TRIM29: variants seen among roughly 807,000 people sequenced by gnomAD.
The protein encoded by TRIM29 is tripartite motif containing 29.
TRIM29 carries 52 observed loss-of-function variants against 57.3 expected under a neutral mutation model. The observed-to-expected ratio is 0.91, with a 90% CI of 0.73 to 1.14. The LOEUF is 1.14. Ranked by LOEUF, TRIM29 falls within the 50% of genes most tolerant of loss-of-function variation. TRIM29 has a pLI of 0.00. For synonymous variants in TRIM29, 319 were observed against 316.9 expected, an observed-to-expected ratio of 1.01 and a Z score of -0.07; for missense variants, 753 against 774.6, an observed-to-expected ratio of 0.97 and a Z score of 0.33.
At chr11:120,123,902 G>A (rs867657001) in intron 4 of TRIM29, 4 of 203,330 alleles carry the variant, frequency 2.0e-5, no homozygotes, top group African/African-American at 7.0e-5. Context: ...CCAGGATGAA[G>A]TGGCCTGGTG....
At chr11:120,131,726 G>A (rs900153987) in intron 1 of TRIM29, among the ~76,000 whole-genome samples, 2 of 151,728 alleles carry the variant, frequency 1.3e-5, no homozygotes, top group African/African-American at 4.8e-5. Flanking sequence ...GGAGCATTTG[G>A]GGTGACAGCT....
rs557062786 is a variant in TRIM29 at position 120,128,391 on chromosome 11, G to T, written c.900+9C>A. ...AGGGAGCAGCAAGGTGAGCTTGGGG[G>T]CTGCTCACCTTGATGCGGTCCTTCT... On this transcript the variant is annotated intron_variant, in intron 2 of 8. Transcript: ENST00000341846. The T allele has an allele frequency of 6.2e-7, 1 of 1,609,838 alleles. No individual in the cohort carries two copies.
At chr11:120,124,685 G>C (rs529675926) in intron 4 of TRIM29, 1 of 152,194 alleles carries the variant, frequency 6.6e-6, no homozygotes, top group African/African-American at 2.4e-5. Flanking sequence ...TCTGAGTGCC[G>C]TTTGAAGCCA....
rs747525437 is a variant in TRIM29 at position 120,118,246 on chromosome 11, C to T, written c.1604G>A (p.Gly535Asp). ...NSDNDLPVVQ[G>D]SSSFSLKGYP... ...ACCTTTCAGGGAGAAGGAGGAGCTG[C>T]CTTGGACGACGGGCAGGTCATTGTC... is the stretch of plus-strand genomic sequence containing the variant. The change falls in exon 7 of 9, where the codon GGC (glycine) becomes GAC (aspartate). Residue 535 changes from glycine (G) to aspartate (D), a missense_variant. Gly to Asp is a moderately conservative substitution (Grantham distance 94). Transcript: ENST00000341846. 6 of 1,613,896 alleles carry T rather than the reference C, an allele frequency of 3.7e-6. No homozygotes were observed. The highest frequency in any genetic ancestry group is 5.1e-6 in the Non-Finnish European group (6 of 1,179,972).
chr11:120,112,489 CAA>C lies in TRIM29; in HGVS notation c.1705-15_1705-14del. ...GCCGGTAGTGAGACTGTGGGGGAAA[CAA>C]GAGTGGTCAGCGAGGCCAGACGACA... On this transcript the variant is annotated splice_polypyrimidine_tract_variant and intron_variant, in intron 8 of 8. Coordinates refer to ENST00000341846, the MANE Select transcript of TRIM29 (RefSeq NM_012101.4). The C allele has an allele frequency of 6.2e-7, 1 of 1,613,622 alleles. No individual in the cohort carries two copies. Among genetic ancestry groups the C allele is most frequent in the Non-Finnish European group, 8.5e-7 (1 of 1,179,716 alleles).
chr11:120,122,890 G>A (rs1029145832), intron 5 of TRIM29, 64 bp downstream of exon 5: 63 of 1,381,562 alleles, frequency 4.6e-5, no homozygotes, highest in South Asian at 1.1e-4. Context: ...GTCACTGCAC[G>A]GACTTTGGGG....
Position 120,125,861 on chromosome 11 carries a change from G to C in TRIM29, c.1163C>G (p.Ser388Cys), listed in dbSNP as rs1863578483. 4 of 1,613,806 alleles carry C rather than the reference G, an allele frequency of 2.5e-6. No homozygotes were observed. Among genetic ancestry groups the C allele is most frequent in the Non-Finnish European group, 3.4e-6 (4 of 1,179,870 alleles). The change falls in exon 4 of 9, where the codon TCT (serine) becomes TGT (cysteine). Residue 388 changes from serine to cysteine, a missense_variant. Physicochemically the swap from Ser to Cys is moderately radical, Grantham distance 112. Coordinates refer to ENST00000341846, the MANE Select transcript of TRIM29 (RefSeq NM_012101.4). ...QEFGALMSNY[S>C]LPPPLPTYHV... ...ATAGGTGGGCAGGGGTGGGGGGAGA[G>C]AGTAATTGCTCATCAATGCACCAAA...
chr11:120,112,550 A>T (rs878946538), intron 8 of TRIM29, 74 bp from the exon 9 acceptor site: 2 of 1,532,290 alleles, frequency 1.3e-6, no homozygotes, highest in Non-Finnish European at 1.8e-6. Flanking sequence ...CCCTACCCTA[A>T]CCTGCCTCAG....
At chr11:120,113,287 A>G (rs1591315553) in intron 8 of TRIM29, among the ~76,000 whole-genome samples, 2 of 152,040 alleles carry the variant, frequency 1.3e-5, no homozygotes, top group South Asian at 2.1e-4. Flanking sequence ...CATGTATTGT[A>G]TCTCCCAGTA....
chr11:120,129,491 C>T (rs1863673836), intron 1 of TRIM29, among the ~76,000 whole-genome samples: 1 of 152,184 alleles, frequency 6.6e-6, no homozygotes, highest in African/African-American at 2.4e-5. Flanking sequence ...GTTTTGAATG[C>T]AGAGTCCCAC....
At position 120,120,866 on chromosome 11, in the gene TRIM29, C is replaced by T. The variant is rs545697235; in HGVS notation, c.1436-201G>A. The T allele has an allele frequency of 1.7e-3, 1,133 of 672,954 alleles. 16 individuals carry two copies. Among genetic ancestry groups the T allele is most frequent in the South Asian group, 0.016 (1,041 of 66,310 alleles). 41.7% of individuals were successfully genotyped at this position (672,954 alleles called of 1,614,324 possible). ...AGAGTAGAAGGACTCTGTTAGTAAC[C>T]GTGCAGAGAGCATCAGCATAAACTT... On this transcript the variant is annotated intron_variant, in intron 5 of 8. Transcript: ENST00000341846.
chr11:120,115,457 GGTCAGGGGT>G, intron 7 of TRIM29, 43 bp from the exon 8 acceptor site: 1 of 1,574,322 alleles, frequency 6.4e-7, no homozygotes, highest in African/African-American at 1.4e-5. Flanking sequence ...CAGCGCTGGT[GGTCAGGGGT>G]GCCCGGGCCC....
intron 1 of TRIM29, among the ~76,000 whole-genome samples, chr11:120,136,533 T>C (rs929350538): frequency 1.4e-4 from 22 of 152,038 alleles, no homozygotes; most frequent in African/African-American, 4.4e-4. Flanking sequence ...AATATGTGTG[T>C]CCACACACAA....
intron 1 of TRIM29, among the ~76,000 whole-genome samples, chr11:120,132,219 C>T (rs561498): frequency 0.7 from 105,835 of 150,938 alleles, 37,797 homozygotes; most frequent in Non-Finnish European, 0.75. Flanking sequence ...CTTTTGCCCC[C>T]GCTTCCCTCC....
intron 3 of TRIM29, among the ~76,000 whole-genome samples, chr11:120,127,005 C>T (rs1442682526): frequency 6.6e-6 from 1 of 152,224 alleles, no homozygotes; most frequent in East Asian, 1.9e-4. Flanking sequence ...TCCTACACCA[C>T]TCCCCCTCTA....
intron 7 of TRIM29, chr11:120,117,095 G>T (rs1485033972): frequency 2.7e-6 from 1 of 372,126 alleles, no homozygotes; most frequent in Non-Finnish European, 5.3e-6. Flanking sequence ...GCACAGCGCT[G>T]GTCCCAGAGG....
intron 5 of TRIM29, chr11:120,120,922 G>C (rs763233574): frequency 7.0e-6 from 4 of 572,750 alleles, no homozygotes; most frequent in Non-Finnish European, 1.3e-5. Context: ...GAGGGCAGAA[G>C]CAGTAGGCTC....
At chr11:120,125,564 AG>A (rs1863565321) in intron 4 of TRIM29, 126 bp downstream of exon 4, 3 of 828,342 alleles carry the variant, frequency 3.6e-6, no homozygotes, top group Non-Finnish European at 5.1e-6. Context: ...GGCCTGAGGA[AG>A]GGTGGGTGGG....
intron 7 of TRIM29, 98 bp from the exon 8 acceptor site, chr11:120,115,512 A>G (rs1239995195): frequency 9.5e-7 from 1 of 1,048,204 alleles, no homozygotes; most frequent in Non-Finnish European, 1.4e-6. Flanking sequence ...AGTGACCACC[A>G]AGCATCATCC....
Sources: allele counts gnomAD v4.1 joint callset (sites outside exome capture counted in the v4.1 genomes callset), GRCh38; gene constraint gnomAD v4.1.1; transcripts MANE v1.5; gene names NCBI Gene and HGNC (gene_info 2026-07-23, HGNC 2026-07-21).